Variants in EPHX2 observed in about 807,000 individuals in gnomAD.
EPHX2 encodes bifunctional epoxide hydrolase 2.
In EPHX2, 74 loss-of-function variants were observed where a neutral mutation model predicts 78.7. The observed-to-expected ratio is 0.94, with a 90% CI of 0.78 to 1.14. The LOEUF (loss-of-function observed/expected upper bound fraction) is 1.14. Among genes scored for constraint, EPHX2 ranks in the 50% most tolerant of loss-of-function variants. The probability of loss-of-function intolerance (pLI) is 0.00; values close to 1 mark genes in which losing one functional copy is unlikely to be tolerated. For synonymous variants in EPHX2, 251 were observed against 255.2 expected (o/e 0.98, Z 0.16); for missense variants, 715 against 702.5 (o/e 1.02, Z -0.20).
chr8:27,513,397 G>T (rs72475829), intron 6 of EPHX2, among the ~76,000 whole-genome samples: 1 of 152,280 alleles, frequency 6.6e-6, no homozygotes, highest in African/African-American at 2.4e-5. Flanking sequence ...GATTGTAACC[G>T]TGGACAGGGT....
intron 6 of EPHX2, among the ~76,000 whole-genome samples, chr8:27,513,321 C>T (rs986786685): frequency 3.3e-5 from 5 of 152,148 alleles, no homozygotes; most frequent in Non-Finnish European, 7.4e-5. Context: ...TTAATCAGGG[C>T]CTTCTGGTCT....
chr8:27,534,466 C>T (rs1585218856), intron 12 of EPHX2, among the ~76,000 whole-genome samples: 1 of 152,112 alleles, frequency 6.6e-6, no homozygotes, highest in East Asian at 1.9e-4. Context: ...GCCCGACCAA[C>T]ATGATGAAAC....
intron 1 of EPHX2, among the ~76,000 whole-genome samples, chr8:27,500,159 A>C (rs1813711479): frequency 6.6e-6 from 1 of 152,108 alleles, no homozygotes; most frequent in Admixed American, 6.5e-5. Flanking sequence ...AGGTGATTGG[A>C]TCATGGGGGT....
chr8:27,506,733 G>T, intron 4 of EPHX2, 139 bp from the exon 5 acceptor site: 1 of 1,229,216 alleles, frequency 8.1e-7, no homozygotes, highest in East Asian at 2.3e-5. Context: ...TGCGTATGTT[G>T]TGTAATTAAA....
In EPHX2 at chr8:27,522,498, G is replaced by A. The variant is rs776295321; in HGVS notation, c.1048G>A (p.Glu350Lys). 8.7e-6 allele frequency: 14 copies of A among 1,613,858 alleles called. No individual in the cohort carries two copies. The East Asian group carries it at 1.3e-4, about 15-fold the overall frequency. ...GTGGTACATGGCTCTCTTCTACCCCGAGAGAGTGAGGTAATTGGGCCTCGG... is the reference window on the plus strand; with the variant it reads ...GTGGTACATGGCTCTCTTCTACCCCAAGAGAGTGAGGTAATTGGGCCTCGG... Reference protein sequence around the residue: ...LVWYMALFYPERVRAVASLNT... With the variant: ...LVWYMALFYPKRVRAVASLNT... Residue 350 changes from glutamate (E) to lysine (K), a missense_variant, in exon 11 of 19, where the codon GAG becomes AAG. Coordinates refer to ENST00000521400, the MANE Select transcript of EPHX2 (RefSeq NM_001979.6).
At chr8:27,524,561 C>T (rs1814758412) in intron 11 of EPHX2, among the ~76,000 whole-genome samples, 1 of 152,202 alleles carries the variant, frequency 6.6e-6, no homozygotes, top group Admixed American at 6.5e-5. Context: ...TATTCCATTC[C>T]ATGCTTGGCT....
Position 27,532,449 on chromosome 8 carries a change from G to A in EPHX2, c.1171-4335G>A, listed in dbSNP as rs561298926. Among the ~76,000 whole-genome samples the A allele has an allele frequency of 5.9e-5, 9 of 152,184 alleles. No homozygotes were observed. The East Asian group carries it at 1.5e-3, about 26-fold the overall frequency. Reference sequence around the variant, plus strand: ...CTTCTCCTTTTGTGTTCCCACTCCCGGGGCTGCCATAACAAAGTACCACAA... The same window carrying A: ...CTTCTCCTTTTGTGTTCCCACTCCCAGGGCTGCCATAACAAAGTACCACAA... On this transcript the variant is annotated intron_variant, in intron 12 of 18. Coordinates refer to ENST00000521400, the MANE Select transcript of EPHX2 (RefSeq NM_001979.6).
chr8:27,531,475 C>T (rs1397214522), intron 12 of EPHX2, among the ~76,000 whole-genome samples: 1 of 152,198 alleles, frequency 6.6e-6, no homozygotes, highest in Non-Finnish European at 1.5e-5. Flanking sequence ...CATTTTTGAC[C>T]TCAGGGACAA....
At position 27,491,228 on chromosome 8, in the gene EPHX2, T is replaced by C; in HGVS notation, c.20T>C (p.Val7Ala). The C allele has an allele frequency of 6.3e-7, 1 of 1,584,750 alleles. No individual in the cohort carries two copies. The highest frequency in any genetic ancestry group is 8.5e-7 in the Non-Finnish European group (1 of 1,174,108). The change falls in exon 1 of 19, where the codon GTC becomes GCC. Residue 7 changes from valine (V) to alanine (A), a missense_variant. Val to Ala is a moderately conservative substitution (Grantham distance 64, BLOSUM62 0). Coordinates refer to ENST00000521400, the MANE Select transcript of EPHX2 (RefSeq NM_001979.6). MTLRAA[V>A]FDLDGVLALP... ...GCCGCCATGACGCTGCGCGCGGCCG[T>C]CTTCGACCTTGACGGGGTGCTGGCG...
chr8:27,531,293 C>T (rs887949682), intron 12 of EPHX2, among the ~76,000 whole-genome samples: 1 of 152,226 alleles, frequency 6.6e-6, no homozygotes, highest in Non-Finnish European at 1.5e-5. Flanking sequence ...CTGTTATGGA[C>T]AGAAAGAGCT....
At position 27,545,084 on chromosome 8, in the gene EPHX2, G is replaced by A. The variant is rs1266603785; in HGVS notation, c.*562G>A. The A allele has an allele frequency of 6.5e-6, 1 of 154,666 alleles. No homozygotes were observed. The highest frequency in any genetic ancestry group is 1.4e-5 in the Non-Finnish European group (1 of 69,704). The allele number at this position is 154,666 out of a possible 1,614,324, so 9.6% of individuals were successfully genotyped here. On this transcript the variant is annotated 3_prime_UTR_variant, in exon 19 of 19. Coordinates refer to ENST00000521400, the MANE Select transcript of EPHX2 (RefSeq NM_001979.6). Reference sequence around the variant, plus strand: ...GAGACAATCCTATGGGGATGGCAGTGGTGTCTTGTGCTCTGTCCCCTAGAG... The same window carrying A: ...GAGACAATCCTATGGGGATGGCAGTAGTGTCTTGTGCTCTGTCCCCTAGAG...
Position 27,494,969 on chromosome 8 carries a change from G to A in EPHX2, c.101+3660G>A, listed in dbSNP as rs564488247. Among the ~76,000 whole-genome samples, 11 of 152,356 alleles carry A rather than the reference G, an allele frequency of 7.2e-5. No homozygotes were observed. The East Asian group carries it at 1.2e-3, about 16-fold the overall frequency. On this transcript the variant is annotated intron_variant, in intron 1 of 18. Transcript: ENST00000521400. ...GTTGTTCCATACCAAGGGTCCTTCCGTAGGTATTTCTAATGGGAGGTTCCA... is the reference window on the plus strand; with the variant it reads ...GTTGTTCCATACCAAGGGTCCTTCCATAGGTATTTCTAATGGGAGGTTCCA...
At chr8:27,516,482 TC>T in intron 8 of EPHX2, 84 bp downstream of exon 8, 2 of 1,290,608 alleles carry the variant, frequency 1.5e-6, no homozygotes, top group Non-Finnish European at 2.2e-6. Flanking sequence ...CTTTCCCTGG[TC>T]CCAGATCAGA....
chr8:27,501,324 T>TTTCCTC (rs1813761764), intron 2 of EPHX2, among the ~76,000 whole-genome samples: 2 of 102,914 alleles, frequency 1.9e-5, no homozygotes, highest in Admixed American at 1.1e-4. Flanking sequence ...TGCTATATAT[T>TTTCCTC]TTCTTCTTCT....
chr8:27,544,227 C>A lies in EPHX2; in HGVS notation c.1572C>A (p.His524Gln). The change falls in exon 18 of 19, where the codon CAC becomes CAA. Residue 524 changes from histidine to glutamine, a missense_variant. Transcript: ENST00000521400. ...LKRGHIEDCGHWTQMDKPTEV... is the reference protein window; with the variant it reads ...LKRGHIEDCGQWTQMDKPTEV... ...GGGGACACATTGAGGACTGTGGGCA[C>A]TGGACACAGATGGACAAGTAAGGAG... The A allele has an allele frequency of 6.2e-7, 1 of 1,614,168 alleles. No individual in the cohort carries two copies. The highest frequency in any genetic ancestry group is 8.5e-7 in the Non-Finnish European group (1 of 1,180,022).
intron 12 of EPHX2, among the ~76,000 whole-genome samples, chr8:27,535,007 C>A (rs1815166474): frequency 6.6e-6 from 1 of 152,132 alleles, no homozygotes; most frequent in South Asian, 2.1e-4. Context: ...GAGTAGGAGG[C>A]CCGCTCAGAA....
intron 11 of EPHX2, among the ~76,000 whole-genome samples, chr8:27,522,876 G>A (rs2435314): frequency 0.073 from 10,865 of 148,108 alleles, 698 homozygotes; most frequent in Non-Finnish European, 0.098. Context: ...CAGGAGAATC[G>A]CTTGAACCCA....
At chr8:27,538,466 G>A (rs1585222288) in intron 13 of EPHX2, among the ~76,000 whole-genome samples, 193 bp from the exon 14 acceptor site, 1 of 152,286 alleles carries the variant, frequency 6.6e-6, no homozygotes, top group East Asian at 1.9e-4. Context: ...CTTCTGTGAG[G>A]GGGTCCCTGG....
intron 6 of EPHX2, among the ~76,000 whole-genome samples, chr8:27,514,986 T>G (rs1435237184): frequency 6.6e-6 from 1 of 152,056 alleles, no homozygotes; most frequent in African/African-American, 2.4e-5. Flanking sequence ...ATGAAACACT[T>G]ATAGTATTGA....
Sources: gnomAD v4.1 joint callset for allele counts (sites outside exome capture counted in the v4.1 genomes callset) on GRCh38, gnomAD v4.1.1 for gene constraint, MANE v1.5 for transcripts, NCBI Gene and HGNC (gene_info 2026-07-23, HGNC 2026-07-21) for gene names.